Variants in ATF7IP observed in about 807,000 individuals in gnomAD.
ATF7IP encodes activating transcription factor 7-interacting protein 1.
ATF7IP carries 23 observed loss-of-function variants against 106.4 expected under a neutral mutation model. That is an observed-to-expected ratio of 0.22 (90% CI 0.16 to 0.31). The LOEUF is 0.31. Among genes scored for constraint, ATF7IP ranks in the 10% least tolerant of loss-of-function variants. The pLI is 1.00. For synonymous variants in ATF7IP, 542 were observed against 539.0 expected (o/e 1.01, Z -0.08); for missense variants, 1,334 against 1,524.3 (o/e 0.88, Z 2.08).
At chr12:14,443,186 G>A (rs896239014) in intron 5 of ATF7IP, among the ~76,000 whole-genome samples, 1 of 152,078 alleles carries the variant, frequency 6.6e-6, no homozygotes, top group African/African-American at 2.4e-5. Context: ...AGGTTTTGAG[G>A]AACTGTATCA....
In ATF7IP at chr12:14,447,091, A is replaced by G. The variant is rs200558203; in HGVS notation, c.1995+38A>G. 53 of 1,468,128 alleles carry G rather than the reference A, an allele frequency of 3.6e-5. 1 individual carries two copies. In the East Asian group the frequency reaches 1.2e-3, roughly 33 times the overall value. 90.9% of individuals were successfully genotyped at this position (1,468,128 alleles called of 1,614,324 possible). A position where few individuals can be genotyped will look rare whatever the true frequency, so the allele number is the denominator to read the frequency against. ...TATTCTTGCATAATTAATATTTAGC[A>G]CTAAGTGGTAATCTTAGGAAATGCT... On this transcript the variant is annotated intron_variant, in intron 6 of 14. Coordinates refer to ENST00000261168, the MANE Select transcript of ATF7IP (RefSeq NM_018179.5).
intron 1 of ATF7IP, among the ~76,000 whole-genome samples, chr12:14,377,641 T>C (rs1026235194): frequency 5.3e-5 from 8 of 150,208 alleles, no homozygotes; most frequent in African/African-American, 1.7e-4. Context: ...TTTGACAGAG[T>C]CTCGCTCTGT....
chr12:14,398,973 C>T (rs1214671943), intron 1 of ATF7IP, among the ~76,000 whole-genome samples: 1 of 152,122 alleles, frequency 6.6e-6, no homozygotes, highest in East Asian at 1.9e-4. Flanking sequence ...AGGTTTTTCC[C>T]TGATTGATAA....
rs145203589 is a variant in ATF7IP at position 14,377,675 on chromosome 12, G to A, written c.-8+11848G>A. ...GTCACCCACGTTGGAGTGCAATGGC[G>A]TGATCTCGGCTCACTCCAGTCTCTG... On this transcript the variant is annotated intron_variant, in intron 1 of 14. Transcript: ENST00000261168. Among the ~76,000 whole-genome samples, 675 of 150,576 alleles carry A rather than the reference G, an allele frequency of 4.5e-3. 4 individuals carry two copies. Among genetic ancestry groups the A allele is most frequent in the East Asian group, 0.014 (73 of 5,090 alleles).
At chr12:14,473,604 T>C (rs113399041) in intron 10 of ATF7IP, among the ~76,000 whole-genome samples, 82 of 152,078 alleles carry the variant, frequency 5.4e-4, no homozygotes, top group Non-Finnish European at 1.1e-3. Flanking sequence ...TTTATCCTTA[T>C]GTTTACCTTT....
intron 13 of ATF7IP, among the ~76,000 whole-genome samples, chr12:14,493,167 C>T (rs1391574531): frequency 2.0e-5 from 3 of 152,198 alleles, no homozygotes; most frequent in African/African-American, 7.2e-5. Flanking sequence ...TGCAGAGTCC[C>T]TACTTAGTGG....
At chr12:14,377,321 TC>T (rs1220465344) in intron 1 of ATF7IP, among the ~76,000 whole-genome samples, 1 of 150,988 alleles carries the variant, frequency 6.6e-6, no homozygotes, top group Non-Finnish European at 1.5e-5. Context: ...ATTTCACATT[TC>T]CAGTGTGGTT....
intron 1 of ATF7IP, among the ~76,000 whole-genome samples, chr12:14,377,939 A>G (rs377484068): frequency 5.9e-5 from 9 of 151,866 alleles, no homozygotes; most frequent in African/African-American, 1.9e-4. Flanking sequence ...GACTTACCCA[A>G]TTTTATCCTG....
At chr12:14,425,620 A>G (rs1941802337) in intron 2 of ATF7IP, 147 bp downstream of exon 2, 3 of 761,650 alleles carry the variant, frequency 3.9e-6, no homozygotes, top group Non-Finnish European at 3.9e-6. Context: ...TTAACTTCAT[A>G]GAATTCAGAA....
chr12:14,413,160 C>G (rs1214934145), intron 1 of ATF7IP, among the ~76,000 whole-genome samples: 2 of 152,180 alleles, frequency 1.3e-5, no homozygotes, highest in Non-Finnish European at 2.9e-5. Flanking sequence ...AGTCTTTGAC[C>G]ATTAAGTATG....
At chr12:14,403,350 C>G (rs1283622065) in intron 1 of ATF7IP, among the ~76,000 whole-genome samples, 2 of 151,718 alleles carry the variant, frequency 1.3e-5, no homozygotes, top group Non-Finnish European at 2.9e-5. Flanking sequence ...ATGTTAATCT[C>G]ATCTTTTAGT....
chr12:14,429,483 C>T (rs189959221), intron 2 of ATF7IP, among the ~76,000 whole-genome samples: 13 of 152,162 alleles, frequency 8.5e-5, no homozygotes, highest in Admixed American at 5.9e-4. Context: ...GCATTAAACA[C>T]TGACATAGTT....
intron 1 of ATF7IP, chr12:14,394,851 C>T (rs1325402613): frequency 2.6e-5 from 4 of 152,154 alleles, no homozygotes; most frequent in African/African-American, 4.8e-5. Context: ...CTTAACTGCA[C>T]ACAGTTGCTG....
At chr12:14,467,240 T>C (rs1369129291) in intron 10 of ATF7IP, among the ~76,000 whole-genome samples, 2 of 152,164 alleles carry the variant, frequency 1.3e-5, no homozygotes, top group African/African-American at 4.8e-5. Context: ...CTTTGAATCA[T>C]TTCAAGGAGC....
chr12:14,412,604 T>C (rs1332830691), intron 1 of ATF7IP, among the ~76,000 whole-genome samples: 1 of 152,226 alleles, frequency 6.6e-6, no homozygotes, highest in Non-Finnish European at 1.5e-5. Flanking sequence ...AATCTTATTA[T>C]AGTGAACTTT....
chr12:14,476,158 C>T, intron 11 of ATF7IP, 190 bp downstream of exon 11: 1 of 490,804 alleles, frequency 2.0e-6, no homozygotes, highest in East Asian at 3.8e-5. Flanking sequence ...CCTGTAATCC[C>T]AGTGCTTTGG....
intron 5 of ATF7IP, among the ~76,000 whole-genome samples, chr12:14,444,613 T>C (rs1185727659): frequency 6.6e-6 from 1 of 152,150 alleles, no homozygotes; most frequent in Non-Finnish European, 1.5e-5. Context: ...TAAAAAAGAA[T>C]TGTACAGCTT....
At chr12:14,467,492 G>T (rs1357675750) in intron 10 of ATF7IP, among the ~76,000 whole-genome samples, 1 of 152,124 alleles carries the variant, frequency 6.6e-6, no homozygotes, top group Non-Finnish European at 1.5e-5. Context: ...AGTTGTGATT[G>T]TTTCTGAGCA....
At position 14,444,354 on chromosome 12, in the gene ATF7IP, A is replaced by G. The variant is rs536989897; in HGVS notation, c.1930-2634A>G. On this transcript the variant is annotated intron_variant, in intron 5 of 14. Coordinates refer to ENST00000261168, the MANE Select transcript of ATF7IP (RefSeq NM_018179.5). The stretch of plus-strand genomic sequence containing the variant: ...TTTTATGAGCAGTAATATTTGTTAT[A>G]GGCCAACCTTGATGTTAAGGAAACC... Among the ~76,000 whole-genome samples the G allele has an allele frequency of 1.6e-4, 24 of 152,312 alleles. No individual in the cohort carries two copies. In the East Asian group the frequency reaches 3.9e-3, roughly 25 times the overall value.
Sources: allele counts gnomAD v4.1 joint callset (sites outside exome capture counted in the v4.1 genomes callset), GRCh38; gene constraint gnomAD v4.1.1; transcripts MANE v1.5; gene names NCBI Gene and HGNC (gene_info 2026-07-23, HGNC 2026-07-21).